Variants in RAP1GAP observed in about 807,000 individuals in gnomAD.
The protein encoded by RAP1GAP is RAP1 GTPase activating protein.
A neutral mutation model predicts 87.2 loss-of-function variants in RAP1GAP; 35 were observed. That is an observed-to-expected ratio of 0.40 (90% confidence interval 0.31 to 0.53). The LOEUF (loss-of-function observed/expected upper bound fraction) is 0.53. RAP1GAP is among the 20% of genes least tolerant of loss of function. RAP1GAP has a pLI of 0.48. For missense variants in RAP1GAP, 734 were observed against 898.9 expected, an observed-to-expected ratio of 0.82 and a Z score of 2.35; for synonymous variants, 375 against 363.9, an observed-to-expected ratio of 1.03 and a Z score of -0.35.
chr1:21,607,192 G>A (rs1484250457), intron 17 of RAP1GAP, among the ~76,000 whole-genome samples: 1 of 152,200 alleles, frequency 6.6e-6, no homozygotes, highest in Non-Finnish European at 1.5e-5. Context: ...GCTACCACCT[G>A]GGGCCCTGTG....
intron 2 of RAP1GAP, among the ~76,000 whole-genome samples, chr1:21,635,146 G>A (rs775185671): frequency 3.3e-5 from 5 of 152,016 alleles, no homozygotes; most frequent in African/African-American, 7.3e-5. Flanking sequence ...CCCTGCCCAC[G>A]TCCACGCAGG....
intron 18 of RAP1GAP, chr1:21,604,044 G>A (rs2071688098): frequency 1.4e-6 from 1 of 738,878 alleles, no homozygotes; most frequent in Admixed American, 2.9e-5. Context: ...GAAAAAGGAA[G>A]AGAACGGTGC....
chr1:21,619,137 C>A, intron 4 of RAP1GAP, 65 bp from the exon 5 acceptor site: 1 of 1,497,492 alleles, frequency 6.7e-7, no homozygotes, highest in Non-Finnish European at 9.1e-7. Flanking sequence ...CTCCCCTCCC[C>A]AAGGCGTGCA....
intron 13 of RAP1GAP, 127 bp downstream of exon 13, chr1:21,611,325 G>T: frequency 7.7e-7 from 1 of 1,300,990 alleles, no homozygotes. Flanking sequence ...CCCACAAGTG[G>T]GGGCGCTGAT....
intron 5 of RAP1GAP, 127 bp from the exon 6 acceptor site, chr1:21,618,099 C>G: frequency 9.2e-7 from 1 of 1,090,628 alleles, no homozygotes; most frequent in Non-Finnish European, 1.4e-6. Context: ...TCACCTCTTA[C>G]AGATGGGCAG....
chr1:21,618,155 C>A (rs1000398778), intron 5 of RAP1GAP, among the ~76,000 whole-genome samples, 183 bp from the exon 6 acceptor site: 5 of 152,220 alleles, frequency 3.3e-5, no homozygotes, highest in African/African-American at 1.2e-4. Context: ...TCTTCTGGGG[C>A]TCTCCTTGCC....
intron 7 of RAP1GAP, among the ~76,000 whole-genome samples, chr1:21,616,170 C>T (rs867955508): frequency 1.2e-4 from 9 of 77,390 alleles, no homozygotes; most frequent in South Asian, 4.1e-4. Context: ...CACACACACA[C>T]ACACACACAC....
chr1:21,608,141 A>G, intron 17 of RAP1GAP, 72 bp downstream of exon 17: 1 of 1,568,376 alleles, frequency 6.4e-7, no homozygotes, highest in South Asian at 1.2e-5. Context: ...CCATCAGTCT[A>G]TCAGCCTCAG....
At chr1:21,627,801 T>C (rs4654974) in intron 2 of RAP1GAP, among the ~76,000 whole-genome samples, 48,135 of 151,964 alleles carry the variant, frequency 0.32, 8,358 homozygotes, top group Middle Eastern at 0.43. Flanking sequence ...ACTTATGCAC[T>C]GGAGGCCTCT....
chr1:21,597,987 C>A lies in RAP1GAP; in HGVS notation c.1957G>T (p.Ala653Ser). 2 of 1,576,948 alleles carry A rather than the reference C, an allele frequency of 1.3e-6. No individual in the cohort carries two copies. The highest frequency in any genetic ancestry group is 1.7e-6 in the Non-Finnish European group (2 of 1,162,442). ...AGCTGGGGCATGTGCTGCTCAGATG[C>A]TTCCAGCTGGATCTTGATCTCGGGA... is the stretch of plus-strand genomic sequence containing the variant. ...ACPEIKIQLEASEQHMPQLGC is the reference protein window; with the variant it reads ...ACPEIKIQLESSEQHMPQLGC Residue 653 changes from alanine to serine, a missense_variant, in exon 23 of 25, where the codon GCA becomes TCA. Coordinates refer to ENST00000374765, the MANE Select transcript of RAP1GAP (RefSeq NM_002885.4).
rs768715664 is a variant in RAP1GAP at position 21,609,657 on chromosome 1, G to A, written c.1000-11C>T. ...TGCAGTGACAGAGACCTGGAAGGGAGGGCAGCTGTCTGTTCCTGTGGAGCC... is the reference window on the plus strand; with the variant it reads ...TGCAGTGACAGAGACCTGGAAGGGAAGGCAGCTGTCTGTTCCTGTGGAGCC... On this transcript the variant is annotated splice_polypyrimidine_tract_variant and intron_variant, in intron 14 of 24. Transcript: ENST00000374765. This position sits in a 1 kb window ranked among gnomAD's most constrained non-coding sequence, Gnocchi z 4.4. 4.5e-6 allele frequency: 7 copies of A among 1,562,232 alleles called. No homozygotes were observed. The Admixed American group carries it at 7.2e-5, about 16-fold the overall frequency.
At chr1:21,627,402 C>CTTT (rs1553464029) in intron 2 of RAP1GAP, among the ~76,000 whole-genome samples, 31 of 138,840 alleles carry the variant, frequency 2.2e-4, no homozygotes, top group Admixed American at 7.5e-4. Flanking sequence ...TGTGAGCCTC[C>CTTT]CTTCTTCTTT....
chr1:21,619,174 C>A, intron 4 of RAP1GAP, 102 bp from the exon 5 acceptor site: 2 of 1,272,706 alleles, frequency 1.6e-6, no homozygotes, highest in Non-Finnish European at 1.1e-6. Context: ...AGGCGGCCCG[C>A]GAAGGTAGGG....
At chr1:21,617,883 A>C (rs747971134) in intron 6 of RAP1GAP, 51 bp downstream of exon 6, 2 of 1,611,840 alleles carry the variant, frequency 1.2e-6, no homozygotes, top group Non-Finnish European at 1.7e-6. Flanking sequence ...AGCCCTGTGT[A>C]AGTGCCTCCT....
rs189600437 is a variant in RAP1GAP at position 21,597,711 on chromosome 1, G to A, written c.*9C>T. 106 of 1,613,370 alleles carry A rather than the reference G, an allele frequency of 6.6e-5. No individual in the cohort carries two copies. In the Admixed American group the frequency reaches 1.3e-3, roughly 20 times the overall value. ...CTGCTCAGTTTCACCTTCAGAGGGGGTGGCCCGGCTAACAGCCCTGCAGAC... is the reference window on the plus strand; with the variant it reads ...CTGCTCAGTTTCACCTTCAGAGGGGATGGCCCGGCTAACAGCCCTGCAGAC... On this transcript the variant is annotated 3_prime_UTR_variant, in exon 24 of 25. Transcript: ENST00000374765.
chr1:21,651,728 G>C, intron 1 of RAP1GAP: 1 of 1,415,608 alleles, frequency 7.1e-7, no homozygotes, highest in Non-Finnish European at 9.4e-7. Flanking sequence ...CCCCACGCGT[G>C]CACACGCACA....
Position 21,649,899 on chromosome 1 carries a change from C to T in RAP1GAP, c.-148-103G>A, listed in dbSNP as rs1351460732. 5 of 1,225,884 alleles carry T rather than the reference C, an allele frequency of 4.1e-6. No homozygotes were observed. In the East Asian group the frequency reaches 1.3e-4, roughly 31 times the overall value. 75.9% of individuals were successfully genotyped at this position (1,225,884 alleles called of 1,614,324 possible). ...GCACTGCACCACCCTCCCAGAGGGG[C>T]TGGAGAAGGTCCTGTTTCTAAGGAT... On this transcript the variant is annotated intron_variant, in intron 1 of 24. Coordinates refer to ENST00000374765, the MANE Select transcript of RAP1GAP (RefSeq NM_002885.4).
rs759915065 is a variant in RAP1GAP at position 21,626,271 on chromosome 1, C to T, written c.-19+33G>A. 2.6e-6 allele frequency: 4 copies of T among 1,542,336 alleles called. No individual in the cohort carries two copies. In the South Asian group the frequency reaches 3.3e-5, roughly 13 times the overall value. On this transcript the variant is annotated intron_variant, in intron 3 of 24. Transcript: ENST00000374765. ...GCATGTGTCGGAGGTAGGGGGCAGA[C>T]CAGGGGCCGTAGGTATGGAGGGGGA...
intron 17 of RAP1GAP, among the ~76,000 whole-genome samples, chr1:21,607,990 A>G (rs2075843150): frequency 6.7e-6 from 1 of 149,444 alleles, no homozygotes; most frequent in African/African-American, 2.5e-5. Context: ...CCAGTCCGGG[A>G]CTTCGCCCCA....
Sources: allele counts gnomAD v4.1 joint callset (sites outside exome capture counted in the v4.1 genomes callset), GRCh38; gene constraint gnomAD v4.1.1; non-coding constraint Gnocchi (gnomAD v3.1); transcripts MANE v1.5; gene names NCBI Gene and HGNC (gene_info 2026-07-23, HGNC 2026-07-21).